The following ALDH7A1 variants were observed in gnomAD, a reference collection of about 807,000 sequenced individuals.
ALDH7A1 encodes aldehyde dehydrogenase 7 family member A1.
A neutral mutation model predicts 79.9 loss-of-function variants in ALDH7A1; 63 were observed. The ratio of observed to expected loss-of-function variants is 0.79; its 90% CI spans 0.64 to 0.97. ALDH7A1 has a LOEUF of 0.97. Ranked by LOEUF, ALDH7A1 falls within the 50% of genes least tolerant of loss-of-function variation. ALDH7A1 has a pLI of 0.00. For synonymous variants in ALDH7A1, 240 were observed against 231.2 expected (o/e 1.04, Z -0.34); for missense variants, 627 against 665.2 (o/e 0.94, Z 0.63).
In ALDH7A1 at chr5:126,575,510, C is replaced by T. The variant is rs200951847; in HGVS notation, c.651-46G>A. 3.8e-4 allele frequency: 589 copies of T among 1,544,098 alleles called. 1 individual carries two copies. Among genetic ancestry groups the T allele is most frequent in the Non-Finnish European group, 3.4e-4 (382 of 1,131,130 alleles). On this transcript the variant is annotated intron_variant, in intron 6 of 17. Transcript: ENST00000409134. ...AAAAGAAAAAGAAAAACTTATTTGA[C>T]GGAAACCATAAATACCTTTTATTAT...
chr5:126,582,675 G>C lies in ALDH7A1; in HGVS notation c.517+176C>G, dbSNP rs1751216665. The stretch of plus-strand genomic sequence containing the variant: ...TTATCTTTAAAACAAAAAGGTTCTT[G>C]ATCTAACATTTTCATCTGTTTTAAT... On this transcript the variant is annotated intron_variant, in intron 5 of 17. Coordinates refer to ENST00000409134, the MANE Select transcript of ALDH7A1 (RefSeq NM_001182.5). The C allele has an allele frequency of 1.0e-5, 8 of 779,292 alleles. No homozygotes were observed. In the South Asian group the frequency reaches 1.5e-4, roughly 14 times the overall value. The allele number at this position is 779,292 out of a possible 1,614,324, so 48.3% of individuals were successfully genotyped here.
intron 10 of ALDH7A1, among the ~76,000 whole-genome samples, chr5:126,560,328 G>T (rs1436182769): frequency 6.6e-6 from 1 of 152,074 alleles, no homozygotes; most frequent in Non-Finnish European, 1.5e-5. Context: ...AAAAGTAGCT[G>T]GGCATGGTGG....
chr5:126,566,217 A>G (rs977063413), intron 9 of ALDH7A1, among the ~76,000 whole-genome samples: 1 of 152,188 alleles, frequency 6.6e-6, no homozygotes, highest in Non-Finnish European at 1.5e-5. Context: ...TGAAAAGGGG[A>G]TATCTACTCA....
chr5:126,550,332 T>C, intron 14 of ALDH7A1, 39 bp from the exon 15 acceptor site: 1 of 1,476,948 alleles, frequency 6.8e-7, no homozygotes, highest in Non-Finnish European at 9.4e-7. Context: ...GATGTTATAG[T>C]GTTCAAGTCA....
At chr5:126,578,887 G>C (rs972505453) in intron 5 of ALDH7A1, among the ~76,000 whole-genome samples, 2 of 152,142 alleles carry the variant, frequency 1.3e-5, no homozygotes, top group African/African-American at 4.8e-5. Flanking sequence ...CACACTGCTA[G>C]CTAGGATGAG....
At chr5:126,556,851 C>A (rs1489490452) in intron 11 of ALDH7A1, among the ~76,000 whole-genome samples, 9 of 152,160 alleles carry the variant, frequency 5.9e-5, no homozygotes, top group African/African-American at 9.7e-5. Context: ...TTAGTCTCCA[C>A]ATGTGATGAA....
At chr5:126,554,218 A>G in intron 13 of ALDH7A1, 69 bp downstream of exon 13, 1 of 1,345,036 alleles carries the variant, frequency 7.4e-7, no homozygotes, top group South Asian at 1.2e-5. Flanking sequence ...ATATGCCCAG[A>G]GCCCTGCTTG....
chr5:126,575,178 A>G (rs1375311872), intron 7 of ALDH7A1, among the ~76,000 whole-genome samples: 1 of 152,230 alleles, frequency 6.6e-6, no homozygotes, highest in East Asian at 1.9e-4. Flanking sequence ...TCCAAGTGAC[A>G]AAATAATGTC....
chr5:126,582,706 T>C, intron 5 of ALDH7A1, 145 bp downstream of exon 5: 1 of 979,170 alleles, frequency 1.0e-6, no homozygotes, highest in African/African-American at 1.6e-5. Context: ...TTAATTTGCA[T>C]TTCTTTGAAA....
intron 3 of ALDH7A1, chr5:126,588,181 T>C (rs1417774334): frequency 2.6e-5 from 4 of 152,122 alleles, no homozygotes; most frequent in Non-Finnish European, 4.4e-5. Context: ...CAAAGATAGA[T>C]TTAAAAACCA....
intron 9 of ALDH7A1, among the ~76,000 whole-genome samples, chr5:126,563,385 G>C (rs1051900558): frequency 2.6e-5 from 4 of 152,194 alleles, no homozygotes; most frequent in Admixed American, 6.5e-5. Context: ...ATTTTATTTA[G>C]CTGTTTCTCC....
In ALDH7A1 at chr5:126,544,825, G is replaced by C. The variant is rs374361465; in HGVS notation, c.*140C>G. On this transcript the variant is annotated 3_prime_UTR_variant, in exon 18 of 18. Coordinates refer to ENST00000409134, the MANE Select transcript of ALDH7A1 (RefSeq NM_001182.5). ...AAAAGGAATCTCTTGATTTAATCAG[G>C]GCTTTGGGGTCATAGGGGGATTAGT... The C allele has an allele frequency of 3.0e-5, 21 of 706,030 alleles. No individual in the cohort carries two copies. Among genetic ancestry groups the C allele is most frequent in the African/African-American group, 2.5e-4 (14 of 56,140 alleles). The allele number at this position is 706,030 out of a possible 1,614,324, so 43.7% of individuals were successfully genotyped here. A position where few individuals can be genotyped will look rare whatever the true frequency, so the allele number is the denominator to read the frequency against.
At chr5:126,585,451 G>A (rs1005219491) in intron 3 of ALDH7A1, among the ~76,000 whole-genome samples, 2 of 152,168 alleles carry the variant, frequency 1.3e-5, no homozygotes, top group Non-Finnish European at 2.9e-5. Flanking sequence ...TGAGCTCAAG[G>A]TTCTTCCTTG....
Position 126,595,118 on chromosome 5 carries a change from G to A in ALDH7A1, c.81C>T (p.Ala27=), listed in dbSNP as rs985941287. ...GATTGATGAGGAGAGTGGACATGAAGGCGGCAGGCCTGCTCCAAGGTCCAG... is the reference window on the plus strand; with the variant it reads ...GATTGATGAGGAGAGTGGACATGAAAGCGGCAGGCCTGCTCCAAGGTCCAG... ...KLSGPWSRPA[A]FMSTLLINQP... Residue 27 remains alanine (A), a synonymous_variant, in exon 1 of 18, where the codon GCC becomes GCT. Coordinates refer to ENST00000409134, the MANE Select transcript of ALDH7A1 (RefSeq NM_001182.5). 1.3e-6 allele frequency: 2 copies of A among 1,583,924 alleles called. No homozygotes were observed. The highest frequency in any genetic ancestry group is 1.7e-4 in the Middle Eastern group (1 of 6,032).
chr5:126,572,591 C>T (rs556359397), intron 7 of ALDH7A1, among the ~76,000 whole-genome samples: 1 of 152,304 alleles, frequency 6.6e-6, no homozygotes, highest in African/African-American at 2.4e-5. Context: ...CTGGTCACTT[C>T]CATCTGAACT....
chr5:126,593,820 A>G (rs1262028533), intron 1 of ALDH7A1: 2 of 292,004 alleles, frequency 6.8e-6, no homozygotes, highest in South Asian at 3.6e-5. Flanking sequence ...CCAACTGGAG[A>G]GGTCTCAGGT....
intron 10 of ALDH7A1, 121 bp downstream of exon 10, chr5:126,560,962 G>C: frequency 9.3e-7 from 1 of 1,077,510 alleles, no homozygotes; most frequent in Non-Finnish European, 1.4e-6. Context: ...CTAAACACAG[G>C]AACTAGGTCT....
rs1200119646 is a variant in ALDH7A1 at position 126,548,440 on chromosome 5, C to T, written c.1489+1489G>A. ...GCCCAAAACTTTTTTTTTTTTTTTG[C>T]GGGGGAAGACAGGGTCTCACTCTGT... On this transcript the variant is annotated intron_variant, in intron 16 of 17. Coordinates refer to ENST00000409134, the MANE Select transcript of ALDH7A1 (RefSeq NM_001182.5). 1.0e-4 allele frequency among the ~76,000 whole-genome samples: 11 copies of T among 104,924 alleles called. No individual in the cohort carries two copies. In the South Asian group the frequency reaches 2.0e-3, roughly 19 times the overall value. 68.8% of individuals were successfully genotyped at this position (104,924 alleles called of 152,430 possible). A position where few individuals can be genotyped will look rare whatever the true frequency, so the allele number is the denominator to read the frequency against.
chr5:126,593,417 GGAT>G lies in ALDH7A1; in HGVS notation c.193-16_193-14del, dbSNP rs1247726893. 4 of 1,613,438 alleles carry G rather than the reference GGAT, an allele frequency of 2.5e-6. No homozygotes were observed. The highest frequency in any genetic ancestry group is 2.7e-5 in the African/African-American group (2 of 74,732). ...AGGTCGTAATAACCTTAAAACAAAA[GGAT>G]GATGATCATGTATAGAAAACGTAAT... is the stretch of plus-strand genomic sequence containing the variant. On this transcript the variant is annotated splice_polypyrimidine_tract_variant and intron_variant, in intron 1 of 17. Coordinates refer to ENST00000409134, the MANE Select transcript of ALDH7A1 (RefSeq NM_001182.5).
Sources: gnomAD v4.1 joint callset for allele counts (sites outside exome capture counted in the v4.1 genomes callset) on GRCh38, gnomAD v4.1.1 for gene constraint, MANE v1.5 for transcripts, NCBI Gene and HGNC (gene_info 2026-07-23, HGNC 2026-07-21) for gene names.